RSL1D1: variants seen among roughly 807,000 people sequenced by gnomAD.
RSL1D1 encodes the protein ribosomal L1 domain containing 1.
RSL1D1 carries 34 observed loss-of-function variants against 44.6 expected under a neutral mutation model. That is an observed-to-expected ratio of 0.76 (90% CI 0.58 to 1.02). The LOEUF (loss-of-function observed/expected upper bound fraction) is 1.02, where lower values mean the gene tolerates loss of function less well. Ranked by LOEUF, RSL1D1 falls within the 50% of genes least tolerant of loss-of-function variation. The pLI, the probability that RSL1D1 is intolerant of heterozygous loss-of-function variation, is 0.00. For synonymous variants in RSL1D1, 271 were observed against 207.4 expected (o/e 1.31, Z -2.63); for missense variants, 767 against 568.1 (o/e 1.35, Z -3.56).
chr16:11,841,564 A>T, intron 7 of RSL1D1, 131 bp downstream of exon 7: 1 of 813,924 alleles, frequency 1.2e-6, no homozygotes, highest in Non-Finnish European at 1.9e-6. Flanking sequence ...ATGTAAAGTG[A>T]CAAAAGCACA....
chr16:11,851,061 C>G (rs927498121), intron 1 of RSL1D1: 1 of 373,358 alleles, frequency 2.7e-6, no homozygotes, highest in African/African-American at 2.1e-5. Flanking sequence ...TCCTGGATAA[C>G]GGGGAGCCGA....
chr16:11,850,357 A>G lies in RSL1D1; in HGVS notation c.167T>C (p.Leu56Ser). The part of the protein sequence containing the change: ...HCKSRKNNYG[L>S]LLNENESLFL... The stretch of plus-strand genomic sequence containing the variant: ...TAAACTTTCATTCTCATTCAAAAGC[A>G]ACCCATAATTGTTTTTCCTGGACTT... Residue 56 changes from leucine to serine, a missense_variant, in exon 2 of 9, where the codon TTG (leucine) becomes TCG (serine). Leu to Ser is a moderately radical substitution (Grantham distance 145). Transcript: ENST00000571133. 1.2e-6 allele frequency: 2 copies of G among 1,601,642 alleles called. No homozygotes were observed. The highest frequency in any genetic ancestry group is 1.7e-6 in the Non-Finnish European group (2 of 1,177,120).
intron 5 of RSL1D1, among the ~76,000 whole-genome samples, chr16:11,842,535 T>C (rs930418641): frequency 7.2e-5 from 11 of 151,914 alleles, no homozygotes; most frequent in Middle Eastern, 3.4e-3. Context: ...CTGATTTTTG[T>C]ATTTTTTGTA....
At chr16:11,843,060 T>C (rs1363515677) in intron 5 of RSL1D1, among the ~76,000 whole-genome samples, 1 of 151,724 alleles carries the variant, frequency 6.6e-6, no homozygotes, top group African/African-American at 2.4e-5. Context: ...TAGCTGGGAT[T>C]ACAGGAATGC....
In RSL1D1 at chr16:11,836,817, A is replaced by G. The variant is rs934988650; in HGVS notation, c.*970T>C. On this transcript the variant is annotated 3_prime_UTR_variant, in exon 9 of 9. Transcript: ENST00000571133. ...TTCCGTAGCCGACTCTCATACAGCG[A>G]GACCCTCACTGGGCCACTCTGGGAA... 7 of 152,358 alleles carry G rather than the reference A, an allele frequency of 4.6e-5. No homozygotes were observed. Among genetic ancestry groups the G allele is most frequent in the Admixed American group, 1.3e-4 (2 of 15,294 alleles). The allele number at this position is 152,358 out of a possible 1,614,324, so 9.4% of individuals were successfully genotyped here. A position where few individuals can be genotyped will look rare whatever the true frequency, so the allele number is the denominator to read the frequency against.
chr16:11,846,054 G>A (rs1376494968), intron 5 of RSL1D1, among the ~76,000 whole-genome samples: 4 of 151,248 alleles, frequency 2.6e-5, no homozygotes, highest in African/African-American at 9.7e-5. Context: ...CACTTCTGAG[G>A]AATAGATTTT....
Position 11,834,704 on chromosome 16 carries a change from C to T in RSL1D1, c.*3083G>A, listed in dbSNP as rs1464930714. ...AACAATCAATTAAGCTAAACCCCCA[C>T]ATTTTAGATGTATATTCATTTATAG... On this transcript the variant is annotated 3_prime_UTR_variant, in exon 9 of 9. Coordinates refer to ENST00000571133, the MANE Select transcript of RSL1D1 (RefSeq NM_015659.3). The T allele has an allele frequency of 6.6e-6, 1 of 152,228 alleles. No homozygotes were observed. The highest frequency in any genetic ancestry group is 2.4e-5 in the African/African-American group (1 of 41,452). 9.4% of individuals were successfully genotyped at this position (152,228 alleles called of 1,614,324 possible).
Position 11,839,895 on chromosome 16 carries a change from G to T in RSL1D1, c.946C>A (p.Leu316Ile). Residue 316 changes from leucine (L) to isoleucine (I), a missense_variant, in exon 8 of 9, where the codon CTT (leucine) becomes ATT (isoleucine). Transcript: ENST00000571133. ...TCAGGTGCCACATCATCTTTACTAA[G>T]AACTGATGCAGTCTTCCTAGCCTGC... ...RQQARKTASV[L>I]SKDDVAPESG... The T allele has an allele frequency of 6.2e-7, 1 of 1,614,096 alleles. No individual in the cohort carries two copies. Among genetic ancestry groups the T allele is most frequent in the East Asian group, 2.2e-5 (1 of 44,880 alleles).
In RSL1D1 at chr16:11,847,762, A is replaced by C; in HGVS notation, c.290T>G (p.Leu97Ter). ...SIRSDSEDICLFTKDEPNSTP... is the reference protein window; with the variant it reads ...SIRSDSEDIC ...TGAATTGGGTTCATCCTTCGTAAAT[A>C]AACAGATATCTTCTGAATCTGATCG... The change falls in exon 3 of 9, where the codon TTA becomes TGA. Residue 97 changes from leucine to a stop codon, truncating the protein, a stop_gained. Transcript: ENST00000571133. LOFTEE classifies it high-confidence loss of function. 1 of 1,613,418 alleles carries C rather than the reference A, an allele frequency of 6.2e-7. No homozygotes were observed. Among genetic ancestry groups the C allele is most frequent in the Non-Finnish European group, 8.5e-7 (1 of 1,179,468 alleles).
In RSL1D1 at chr16:11,835,723, C is replaced by G. The variant is rs1455473452; in HGVS notation, c.*2064G>C. Reference sequence around the variant, plus strand: ...ATGGTCTCGAACTCCTGGGTTCAAGCAATCCACCCAGCGTTCCAAAGTGCT... The same window carrying G: ...ATGGTCTCGAACTCCTGGGTTCAAGGAATCCACCCAGCGTTCCAAAGTGCT... On this transcript the variant is annotated 3_prime_UTR_variant, in exon 9 of 9. Transcript: ENST00000571133. The G allele has an allele frequency of 6.6e-6, 1 of 152,454 alleles. No homozygotes were observed. Among genetic ancestry groups the G allele is most frequent in the African/African-American group, 2.4e-5 (1 of 41,568 alleles). 9.4% of individuals were successfully genotyped at this position (152,454 alleles called of 1,614,324 possible).
chr16:11,838,118 G>GAA lies in RSL1D1; in HGVS notation c.1147-7_1147-6dup. The GAA allele has an allele frequency of 4.1e-6, 6 of 1,457,094 alleles. No individual in the cohort carries two copies. Among genetic ancestry groups the GAA allele is most frequent in the Non-Finnish European group, 5.5e-6 (6 of 1,087,230 alleles). 90.3% of individuals were successfully genotyped at this position (1,457,094 alleles called of 1,614,324 possible). A position where few individuals can be genotyped will look rare whatever the true frequency, so the allele number is the denominator to read the frequency against. On this transcript the variant is annotated splice_polypyrimidine_tract_variant and splice_region_variant and intron_variant, in intron 8 of 8. Coordinates refer to ENST00000571133, the MANE Select transcript of RSL1D1 (RefSeq NM_015659.3). ...TCCTGTGGCATGTTTTTGAATCTAAGAAAAAAAAAAGTAAGTTTAATATAG... is the reference window on the plus strand; with the variant it reads ...TCCTGTGGCATGTTTTTGAATCTAAGAAAAAAAAAAAAGTAAGTTTAATATAG...
chr16:11,840,318 C>T (rs1415096580), intron 7 of RSL1D1, among the ~76,000 whole-genome samples: 1 of 152,020 alleles, frequency 6.6e-6, no homozygotes, highest in Non-Finnish European at 1.5e-5. Context: ...GTAATCACAG[C>T]ACTCAGGGAG....
At chr16:11,840,737 T>G (rs11646545) in intron 7 of RSL1D1, among the ~76,000 whole-genome samples, 80,488 of 152,008 alleles carry the variant, frequency 0.53, 22,659 homozygotes, top group Non-Finnish European at 0.63. Flanking sequence ...AGGAGGTATC[T>G]GTGAGCATAA....
intron 3 of RSL1D1, 65 bp from the exon 4 acceptor site, chr16:11,846,908 A>C: frequency 7.4e-7 from 1 of 1,349,360 alleles, no homozygotes; most frequent in Non-Finnish European, 1.0e-6. Flanking sequence ...AGAAATACTT[A>C]GGCAACAATT....
chr16:11,847,638 T>C (rs767517842), intron 3 of RSL1D1, 30 bp downstream of exon 3: 2 of 1,572,360 alleles, frequency 1.3e-6, no homozygotes, highest in East Asian at 4.5e-5. Context: ...ATCCTCTAAA[T>C]AACTTGAAAA....
chr16:11,846,572 C>A lies in RSL1D1; in HGVS notation c.564G>T (p.Lys188Asn). Residue 188 changes from lysine to asparagine, a missense_variant, in exon 5 of 9, where the codon AAG becomes AAT. Coordinates refer to ENST00000571133, the MANE Select transcript of RSL1D1 (RefSeq NM_015659.3). ...KVPVSVNLLS[K>N]NLSREINDCI... ...AGTCATTGATCTCTCTTGATAAATT[C>A]TTGGACAGAAGGTTTACAGATACTG... 2 of 1,609,208 alleles carry A rather than the reference C, an allele frequency of 1.2e-6. No individual in the cohort carries two copies. The highest frequency in any genetic ancestry group is 1.7e-6 in the Non-Finnish European group (2 of 1,177,590).
intron 2 of RSL1D1, among the ~76,000 whole-genome samples, chr16:11,848,680 G>C (rs985100079): frequency 6.6e-6 from 1 of 152,186 alleles, no homozygotes; most frequent in Non-Finnish European, 1.5e-5. Context: ...TTTTCGTAGA[G>C]ACAGGGTTTC....
chr16:11,843,943 G>A (rs1254044904), intron 5 of RSL1D1, among the ~76,000 whole-genome samples: 1 of 150,506 alleles, frequency 6.6e-6, no homozygotes, highest in African/African-American at 2.4e-5. Context: ...TCAGCTACGA[G>A]CAAGACCATC....
chr16:11,849,970 G>A (rs1261551670), intron 2 of RSL1D1, among the ~76,000 whole-genome samples: 1 of 152,090 alleles, frequency 6.6e-6, no homozygotes, highest in Non-Finnish European at 1.5e-5. Flanking sequence ...TGAGATTACA[G>A]GCACCCGCCA....
Sources: allele counts gnomAD v4.1 joint callset (sites outside exome capture counted in the v4.1 genomes callset), GRCh38; gene constraint gnomAD v4.1.1; transcripts MANE v1.5; gene names NCBI Gene and HGNC (gene_info 2026-07-23, HGNC 2026-07-21).